Variants in SARDH observed in about 807,000 individuals in gnomAD.
SARDH encodes the protein sarcosine dehydrogenase, mitochondrial.
In SARDH, 95 loss-of-function variants were observed where a neutral mutation model predicts 109.1. The ratio of observed to expected loss-of-function variants is 0.87; its 90% confidence interval spans 0.74 to 1.03. The LOEUF (loss-of-function observed/expected upper bound fraction) is 1.03, where lower values mean the gene tolerates loss of function less well. Ranked by LOEUF, SARDH falls within the 50% of genes least tolerant of loss-of-function variation. The probability of loss-of-function intolerance (pLI) is 0.00; values close to 1 mark genes in which losing one functional copy is unlikely to be tolerated. For synonymous variants in SARDH, 572 were observed against 534.8 expected (o/e 1.07, Z -0.96); for missense variants, 1,267 against 1,287.8 (o/e 0.98, Z 0.25).
intron 17 of SARDH, among the ~76,000 whole-genome samples, chr9:133,675,531 A>G (rs911199737): frequency 6.6e-6 from 1 of 152,208 alleles, no homozygotes; most frequent in Non-Finnish European, 1.5e-5. Context: ...AGAAAAAGAA[A>G]GTAACGAGTG....
chr9:133,717,023 A>C (rs1249525985), intron 8 of SARDH, among the ~76,000 whole-genome samples: 1 of 152,198 alleles, frequency 6.6e-6, no homozygotes, highest in Non-Finnish European at 1.5e-5. Context: ...GGGACAAGTC[A>C]AGTCTAGGGA....
At position 133,732,528 on chromosome 9, in the gene SARDH, C is replaced by T. The variant is rs1312707010; in HGVS notation, c.405G>A (p.Arg135=). ...LLAHTRRVVS[R]ELEEETGLHT... Reference sequence around the variant, plus strand: ...GTAGTCCCGTCTCCTCCTCCAGCTCCCGGCTCACCACCCGCCGAGTGTGGG... The same window carrying T: ...GTAGTCCCGTCTCCTCCTCCAGCTCTCGGCTCACCACCCGCCGAGTGTGGG... The change falls in exon 3 of 21, where the codon CGG becomes CGA. Residue 135 remains arginine (R), a synonymous_variant. Transcript: ENST00000439388. 3.1e-6 allele frequency: 5 copies of T among 1,614,000 alleles called. No individual in the cohort carries two copies. The highest frequency in any genetic ancestry group is 2.2e-5 in the East Asian group (1 of 44,856).
chr9:133,690,080 T>G (rs776738358), intron 16 of SARDH, among the ~76,000 whole-genome samples: 2 of 152,086 alleles, frequency 1.3e-5, no homozygotes, highest in Non-Finnish European at 2.9e-5. Flanking sequence ...TCTGCCCACT[T>G]TGGGATGGTG....
chr9:133,663,248 G>A (rs549515533), downstream of SARDH, among the ~76,000 whole-genome samples: 61 of 152,358 alleles, frequency 4.0e-4, 1 homozygote, highest in African/African-American at 9.1e-4. Flanking sequence ...GGCCCCGCCC[G>A]CTCCCTGCTT....
At chr9:133,711,966 G>A (rs1831938009) in intron 10 of SARDH, among the ~76,000 whole-genome samples, 1 of 152,230 alleles carries the variant, frequency 6.6e-6, no homozygotes, top group East Asian at 1.9e-4. Flanking sequence ...TGCTCTGCAA[G>A]AGATGGCCCT....
At chr9:133,659,663 GCACTT>G (rs919798482), downstream of SARDH, among the ~76,000 whole-genome samples, 48 of 152,176 alleles carry the variant, frequency 3.2e-4, 1 homozygote, top group East Asian at 2.1e-3. Flanking sequence ...CTTCTGCAAG[GCACTT>G]CACTTCATCA....
chr9:133,732,683 G>C, intron 2 of SARDH, 82 bp from the exon 3 acceptor site: 1 of 1,445,092 alleles, frequency 6.9e-7, no homozygotes, highest in East Asian at 2.3e-5. Flanking sequence ...GGGATACCCT[G>C]ATATTCAACC....
chr9:133,683,417 C>G (rs1830768583), intron 17 of SARDH, among the ~76,000 whole-genome samples: 1 of 152,230 alleles, frequency 6.6e-6, no homozygotes, highest in African/African-American at 2.4e-5. Context: ...GAACCCGCAG[C>G]CCCCCTCCCC....
chr9:133,694,267 C>A lies in SARDH; in HGVS notation c.1912G>T (p.Ala638Ser). The A allele has an allele frequency of 6.5e-7, 1 of 1,548,352 alleles. No homozygotes were observed. The highest frequency in any genetic ancestry group is 8.7e-7 in the Non-Finnish European group (1 of 1,145,200). The change falls in exon 15 of 21, where the codon GCC becomes TCC. Residue 638 changes from alanine to serine, a missense_variant. By Grantham distance (99) the Ala-to-Ser change is moderately conservative. Coordinates refer to ENST00000439388, the MANE Select transcript of SARDH (RefSeq NM_001134707.2). ...PSHQASPLAPAFEGDGYYLAM... is the reference protein window; with the variant it reads ...PSHQASPLAPSFEGDGYYLAM... ...CAGAGGCATCCCATACCTTCAAAGG[C>A]GGGGGCCAGCGGGGAGGCCTGGTGG...
chr9:133,666,838 C>T lies in SARDH; in HGVS notation c.2528G>A (p.Trp843Ter). ...ATGGCCCACCACTTGGCCGTTCCTCCAGATGGCCTCCAGGCCAAACATGGG... is the reference window on the plus strand; with the variant it reads ...ATGGCCCACCACTTGGCCGTTCCTCTAGATGGCCTCCAGGCCAAACATGGG... ...KVPMFGLEAI[W>*]RNGQVVGHVR... is the part of the protein sequence containing the mutation. Residue 843 changes from tryptophan (W) to a stop codon, truncating the protein, a stop_gained, in exon 20 of 21, where the codon TGG becomes TAG. Transcript: ENST00000439388. LOFTEE classifies it high-confidence loss of function. This position sits in a 1 kb window ranked among gnomAD's most constrained non-coding sequence, Gnocchi z 5.2. The T allele has an allele frequency of 6.2e-7, 1 of 1,611,544 alleles. No homozygotes were observed. Among genetic ancestry groups the T allele is most frequent in the South Asian group, 1.1e-5 (1 of 90,468 alleles).
intron 17 of SARDH, among the ~76,000 whole-genome samples, chr9:133,674,343 C>T (rs918330011): frequency 6.6e-6 from 1 of 152,220 alleles, no homozygotes; most frequent in Non-Finnish European, 1.5e-5. Flanking sequence ...TGCGTGTGCA[C>T]CAAGCACATG....
chr9:133,687,921 G>A (rs1038010916), intron 16 of SARDH, among the ~76,000 whole-genome samples: 15 of 152,322 alleles, frequency 9.8e-5, no homozygotes, highest in Middle Eastern at 3.4e-3. Flanking sequence ...AGGAGGCAGC[G>A]AGCTCCTCTT....
intron 10 of SARDH, among the ~76,000 whole-genome samples, chr9:133,708,912 AC>A (rs35245986): frequency 2.0e-5 from 3 of 151,508 alleles, no homozygotes; most frequent in African/African-American, 7.3e-5. Flanking sequence ...TCATCAAGGA[AC>A]CCCCCTTTCC....
chr9:133,661,807 C>T (rs1335361604), downstream of SARDH, among the ~76,000 whole-genome samples: 2 of 152,158 alleles, frequency 1.3e-5, no homozygotes, highest in South Asian at 4.1e-4. Context: ...AAACAGTTTG[C>T]TCAGAATTCC....
At position 133,732,328 on chromosome 9, in the gene SARDH, C is replaced by T. The variant is rs905755526; in HGVS notation, c.510+95G>A. 9 of 958,136 alleles carry T rather than the reference C, an allele frequency of 9.4e-6. No homozygotes were observed. In the African/African-American group the frequency reaches 1.4e-4, roughly 15 times the overall value. 59.4% of individuals were successfully genotyped at this position (958,136 alleles called of 1,614,324 possible). On this transcript the variant is annotated intron_variant, in intron 3 of 20. Coordinates refer to ENST00000439388, the MANE Select transcript of SARDH (RefSeq NM_001134707.2). ...CACCCTCACAGGGAGCCCACCCTAC[C>T]CCCCCACAGGGGGTGCACCCACCAA... is the stretch of plus-strand genomic sequence containing the variant.
intron 7 of SARDH, 88 bp from the exon 8 acceptor site, chr9:133,717,543 G>T: frequency 6.5e-7 from 1 of 1,547,712 alleles, no homozygotes; most frequent in African/African-American, 1.4e-5. Context: ...TGGCTGCCAG[G>T]CCAGCCTCTG....
At chr9:133,737,529 C>T (rs548408452) in intron 1 of SARDH, among the ~76,000 whole-genome samples, 1 of 152,332 alleles carries the variant, frequency 6.6e-6, no homozygotes, top group Non-Finnish European at 1.5e-5. Flanking sequence ...GGAAGGCCCT[C>T]CAAGGCTGAA....
rs1334385944 is a variant in SARDH at position 133,729,967 on chromosome 9, G to A, written c.814+97C>T. 1.9e-6 allele frequency: 3 copies of A among 1,589,764 alleles called. No individual in the cohort carries two copies. The Admixed American group carries it at 5.1e-5, about 27-fold the overall frequency. ...CTGCAGACCTGTCTGCCCTAGCAGGGGCTCCCCACCCCAGAAAGAAGCCCT... is the reference window on the plus strand; with the variant it reads ...CTGCAGACCTGTCTGCCCTAGCAGGAGCTCCCCACCCCAGAAAGAAGCCCT... On this transcript the variant is annotated intron_variant, in intron 5 of 20. Transcript: ENST00000439388.
At chr9:133,706,244 G>T (rs199973618) in intron 11 of SARDH, among the ~76,000 whole-genome samples, 1 of 134,384 alleles carries the variant, frequency 7.4e-6, no homozygotes, top group Non-Finnish European at 1.6e-5. Flanking sequence ...AACAAAGCAT[G>T]GTCTGCATAC....
Sources: allele counts gnomAD v4.1 joint callset (sites outside exome capture counted in the v4.1 genomes callset), GRCh38; gene constraint gnomAD v4.1.1; non-coding constraint Gnocchi (gnomAD v3.1); transcripts MANE v1.5; gene names NCBI Gene and HGNC (gene_info 2026-07-23, HGNC 2026-07-21).